The following RELN variants were observed in gnomAD, a reference collection of about 807,000 sequenced individuals.
RELN encodes reelin.
RELN carries 108 observed loss-of-function variants against 427.6 expected under a neutral mutation model. The observed-to-expected ratio is 0.25, with a 90% CI of 0.22 to 0.30. RELN has a LOEUF of 0.30. Among genes scored for constraint, RELN ranks in the 10% least tolerant of loss-of-function variants. RELN has a pLI of 1.00. For synonymous variants in RELN, 1,524 were observed against 1,513.4 expected (o/e 1.01, Z -0.16); for missense variants, 3,715 against 4,302.8 (o/e 0.86, Z 3.82).
intron 2 of RELN, among the ~76,000 whole-genome samples, chr7:103,879,848 A>G (rs1313274061): frequency 6.6e-6 from 1 of 152,200 alleles, no homozygotes; most frequent in Admixed American, 6.5e-5. Context: ...GGAAAAATAA[A>G]AACATTTTTC....
chr7:103,540,580 G>C, intron 43 of RELN, 125 bp from the exon 44 acceptor site: 1 of 820,978 alleles, frequency 1.2e-6, no homozygotes, highest in Non-Finnish European at 2.0e-6. Flanking sequence ...GATTTAATGA[G>C]TGTCCAAAGC....
At chr7:103,558,111 A>T (rs900415821) in intron 36 of RELN, 62 bp from the exon 37 acceptor site, 7 of 793,334 alleles carry the variant, frequency 8.8e-6, no homozygotes, top group Admixed American at 7.2e-5. Flanking sequence ...TATCCCTTTG[A>T]TTTTATACAC....
chr7:103,516,556 G>C (rs1416608768), intron 49 of RELN, among the ~76,000 whole-genome samples: 1 of 152,026 alleles, frequency 6.6e-6, no homozygotes, highest in Admixed American at 6.6e-5. Context: ...CCAAAGTGCT[G>C]GGATTACAGG....
At chr7:103,493,417 T>C (rs1046904567) in intron 57 of RELN, among the ~76,000 whole-genome samples, 5 of 152,170 alleles carry the variant, frequency 3.3e-5, no homozygotes, top group African/African-American at 7.2e-5. Context: ...AGGGAAGATA[T>C]TAAGTGCACC....
chr7:103,951,695 C>A (rs1391384076), intron 1 of RELN, among the ~76,000 whole-genome samples: 2 of 140,474 alleles, frequency 1.4e-5, no homozygotes, highest in African/African-American at 2.7e-5. Flanking sequence ...TTTTAAAATA[C>A]AGAGTCTTGT....
chr7:103,784,147 C>T (rs949156547), intron 3 of RELN, among the ~76,000 whole-genome samples: 3 of 152,044 alleles, frequency 2.0e-5, no homozygotes, highest in East Asian at 1.9e-4. Flanking sequence ...TGACAAATTT[C>T]TCATGATTAT....
chr7:103,554,375 T>A (rs984175907), intron 38 of RELN, among the ~76,000 whole-genome samples: 1 of 151,694 alleles, frequency 6.6e-6, no homozygotes, highest in African/African-American at 2.4e-5. Context: ...CTGGGCAATA[T>A]GGCAAAACCT....
At position 103,799,616 on chromosome 7, in the gene RELN, T is replaced by C. The variant is rs528807546; in HGVS notation, c.474-22989A>G. Among the ~76,000 whole-genome samples the C allele has an allele frequency of 1.9e-3, 289 of 152,322 alleles. 2 individuals carry two copies. Among genetic ancestry groups the C allele is most frequent in the South Asian group, 7.3e-3 (35 of 4,824 alleles). On this transcript the variant is annotated intron_variant, in intron 3 of 64. Transcript: ENST00000428762. ...CCAAGATGTGGTATCATCTTAAACGTCTTCCTCAGAGAGGCCTTTCCCAAA... is the reference window on the plus strand; with the variant it reads ...CCAAGATGTGGTATCATCTTAAACGCCTTCCTCAGAGAGGCCTTTCCCAAA...
Position 103,773,126 on chromosome 7 carries a change from T to TTCTTTCTTTCTTTCTTTCTC in RELN, c.544+3430_544+3431insGAGAAAGAAAGAAAGAAAGA, listed in dbSNP as rs1563004215. 1.2e-4 allele frequency among the ~76,000 whole-genome samples: 11 copies of TTCTTTCTTTCTTTCTTTCTC among 94,202 alleles called. No homozygotes were observed. In the South Asian group the frequency reaches 1.6e-3, roughly 14 times the overall value. The allele number at this position is 94,202 out of a possible 152,430, so 61.8% of individuals were successfully genotyped here. A position where few individuals can be genotyped will look rare whatever the true frequency, so the allele number is the denominator to read the frequency against. ...TTTCTTTCTTTCTTTCTTTCTTTCT[T>TTCTTTCTTTCTTTCTTTCTC]TCTTTCTTTCTTTCTTTCTTTCTTT... On this transcript the variant is annotated intron_variant, in intron 4 of 64. Transcript: ENST00000428762.
At chr7:103,966,289 A>G (rs1487356531) in intron 1 of RELN, among the ~76,000 whole-genome samples, 1 of 152,256 alleles carries the variant, frequency 6.6e-6, no homozygotes, top group African/African-American at 2.4e-5. Flanking sequence ...GGTGGGACCC[A>G]GCCCTGCACA....
At chr7:103,909,393 C>T (rs761730694) in intron 2 of RELN, among the ~76,000 whole-genome samples, 1 of 151,416 alleles carries the variant, frequency 6.6e-6, no homozygotes, top group Non-Finnish European at 1.5e-5. Context: ...TGAAACATTA[C>T]CATAAAATCT....
At chr7:103,595,146 G>A (rs1324171585) in intron 25 of RELN, among the ~76,000 whole-genome samples, 1 of 152,134 alleles carries the variant, frequency 6.6e-6, no homozygotes, top group East Asian at 1.9e-4. Context: ...GCAATTTGAG[G>A]AAGCCATTAC....
At chr7:103,860,482 C>T (rs547978566) in intron 2 of RELN, among the ~76,000 whole-genome samples, 1 of 152,180 alleles carries the variant, frequency 6.6e-6, no homozygotes, top group South Asian at 2.1e-4. Context: ...GAGGTAGTTT[C>T]ATTAGGCTAA....
At chr7:103,529,642 C>T (rs1451462994) in intron 46 of RELN, among the ~76,000 whole-genome samples, 1 of 152,058 alleles carries the variant, frequency 6.6e-6, no homozygotes, top group Admixed American at 6.5e-5. Context: ...CAGTCTCTCT[C>T]AATAACTCCT....
chr7:103,511,325 A>G lies in RELN; in HGVS notation c.8120-320T>C, dbSNP rs2528859. On this transcript the variant is annotated intron_variant, in intron 50 of 64. Transcript: ENST00000428762. ...TTTTGACAGATATTTAACTTTTTAG[A>G]TAGCATATAAAGAAGTAGAGATGAT... Among the ~76,000 whole-genome samples the G allele has an allele frequency of 0.37, 56,812 of 152,006 alleles. 11,296 individuals carry two copies. Among genetic ancestry groups the G allele is most frequent in the East Asian group, 0.55 (2,830 of 5,170 alleles).
intron 2 of RELN, among the ~76,000 whole-genome samples, chr7:103,845,057 G>T (rs753667195): frequency 5.9e-5 from 9 of 152,074 alleles, no homozygotes; most frequent in Admixed American, 2.0e-4. Context: ...TAAACTAAAA[G>T]AATTATCCAT....
At chr7:103,978,614 T>A (rs193045223) in intron 1 of RELN, among the ~76,000 whole-genome samples, 179 of 152,358 alleles carry the variant, frequency 1.2e-3, no homozygotes, top group African/African-American at 4.2e-3. Context: ...ACGTGTCAAA[T>A]CAATCATTAT....
intron 27 of RELN, 32 bp downstream of exon 27, chr7:103,593,650 C>G: frequency 6.3e-7 from 1 of 1,577,192 alleles, no homozygotes; most frequent in East Asian, 2.2e-5. Context: ...TACTCCTTAA[C>G]TTGCTCTGGG....
intron 2 of RELN, among the ~76,000 whole-genome samples, chr7:103,892,310 G>A (rs1263611409): frequency 6.6e-6 from 1 of 152,134 alleles, no homozygotes; most frequent in African/African-American, 2.4e-5. Flanking sequence ...ATGATGGGCT[G>A]ATACACAAGT....
Sources: gnomAD v4.1 joint callset for allele counts (sites outside exome capture counted in the v4.1 genomes callset) on GRCh38, gnomAD v4.1.1 for gene constraint, MANE v1.5 for transcripts, NCBI Gene and HGNC (gene_info 2026-07-23, HGNC 2026-07-21) for gene names.